The following NLN variants were observed in gnomAD, a reference collection of about 807,000 sequenced individuals.
NLN encodes the protein neurolysin, mitochondrial.
A neutral mutation model predicts 79.9 loss-of-function variants in NLN; 64 were observed. That is an observed-to-expected ratio of 0.80 (90% confidence interval 0.65 to 0.99). The LOEUF (loss-of-function observed/expected upper bound fraction) is 0.99. Among genes scored for constraint, NLN ranks in the 50% least tolerant of loss-of-function variants. The pLI is 0.00. For synonymous variants in NLN, 267 were observed against 296.6 expected, an observed-to-expected ratio of 0.90 and a Z score of 1.02; for missense variants, 835 against 858.7, an observed-to-expected ratio of 0.97 and a Z score of 0.34.
chr5:65,777,907 C>T (rs1381084955), intron 4 of NLN, among the ~76,000 whole-genome samples: 1 of 152,152 alleles, frequency 6.6e-6, no homozygotes, highest in Non-Finnish European at 1.5e-5. Flanking sequence ...AATTCTACAA[C>T]TCCTGTTAAC....
intron 6 of NLN, 69 bp downstream of exon 6, chr5:65,781,490 C>T: frequency 1.7e-6 from 2 of 1,181,664 alleles, no homozygotes; most frequent in Admixed American, 1.9e-5. Context: ...ACTTTGTTCA[C>T]CAGTGTCAAA....
chr5:65,747,894 T>C lies in NLN; in HGVS notation c.42-10673T>C, dbSNP rs184548270. 2.2e-3 allele frequency among the ~76,000 whole-genome samples: 328 copies of C among 152,124 alleles called. 2 individuals carry two copies. Among genetic ancestry groups the C allele is most frequent in the Non-Finnish European group, 4.0e-3 (271 of 67,962 alleles). ...GAGTGCAGACACAGGAGGGCCAGAG[T>C]GGAGCCTGCCAAAGTACAGCAGTCA... On this transcript the variant is annotated intron_variant, in intron 1 of 12. Coordinates refer to ENST00000380985, the MANE Select transcript of NLN (RefSeq NM_020726.5).
At chr5:65,813,955 T>C (rs1418378961) in intron 12 of NLN, among the ~76,000 whole-genome samples, 2 of 151,830 alleles carry the variant, frequency 1.3e-5, no homozygotes, top group Non-Finnish European at 2.9e-5. Context: ...TGAGAATGAG[T>C]ACCTTCATCT....
intron 8 of NLN, among the ~76,000 whole-genome samples, chr5:65,791,565 G>C (rs895305233): frequency 6.6e-6 from 1 of 151,764 alleles, no homozygotes; most frequent in African/African-American, 2.4e-5. Context: ...CTCAAAACAA[G>C]AGAACAAAAT....
intron 1 of NLN, chr5:65,733,227 T>C (rs1434266584): frequency 8.6e-6 from 13 of 1,519,448 alleles, no homozygotes; most frequent in Non-Finnish European, 1.2e-5. Context: ...TATCCTAATG[T>C]GGACCACCAA....
At chr5:65,785,084 C>T (rs1366660750) in intron 6 of NLN, among the ~76,000 whole-genome samples, 1 of 152,144 alleles carries the variant, frequency 6.6e-6, no homozygotes, top group African/African-American at 2.4e-5. Context: ...TCCATGGACA[C>T]TTGGGTTGCT....
intron 12 of NLN, among the ~76,000 whole-genome samples, chr5:65,817,971 CT>C (rs1361499784): frequency 1.3e-5 from 2 of 152,262 alleles, no homozygotes; most frequent in African/African-American, 4.8e-5. Context: ...TGTCTCAGCT[CT>C]CCTGATGTAC....
At chr5:65,804,072 AG>A (rs1760352723) in intron 9 of NLN, among the ~76,000 whole-genome samples, 1 of 152,242 alleles carries the variant, frequency 6.6e-6, no homozygotes, top group Non-Finnish European at 1.5e-5. Flanking sequence ...CACATAAAGG[AG>A]GGTTTGATAT....
chr5:65,759,206 A>G (rs1367612596), intron 2 of NLN, among the ~76,000 whole-genome samples: 1 of 152,174 alleles, frequency 6.6e-6, no homozygotes, highest in Admixed American at 6.5e-5. Context: ...CCAAATGTCA[A>G]CTAATAGATT....
chr5:65,809,779 C>A, intron 10 of NLN, 78 bp downstream of exon 10: 2 of 1,196,522 alleles, frequency 1.7e-6, no homozygotes, highest in Non-Finnish European at 2.3e-6. Flanking sequence ...TTCTGTAGAA[C>A]TTATTTTCAT....
intron 4 of NLN, among the ~76,000 whole-genome samples, chr5:65,778,559 T>C (rs1759728496): frequency 1.3e-5 from 2 of 152,206 alleles, no homozygotes; most frequent in Non-Finnish European, 1.5e-5. Flanking sequence ...TAATTCTGTT[T>C]GGAGCATGAA....
chr5:65,777,351 T>A, intron 3 of NLN, 76 bp from the exon 4 acceptor site: 1 of 931,782 alleles, frequency 1.1e-6, no homozygotes, highest in South Asian at 1.4e-5. Flanking sequence ...ATGAATAAAT[T>A]TGCTGTGGCC....
intron 12 of NLN, among the ~76,000 whole-genome samples, chr5:65,813,423 C>T (rs186612810): frequency 6.6e-6 from 1 of 152,256 alleles, no homozygotes; most frequent in Non-Finnish European, 1.5e-5. Flanking sequence ...AATGCCTCCA[C>T]CATAGAGATA....
At chr5:65,798,675 G>A (rs771619212) in intron 9 of NLN, among the ~76,000 whole-genome samples, 3 of 151,898 alleles carry the variant, frequency 2.0e-5, no homozygotes, top group Non-Finnish European at 2.9e-5. Flanking sequence ...TCTTCTTTTT[G>A]TTATTTTATT....
At chr5:65,805,465 G>A (rs540467524) in intron 9 of NLN, among the ~76,000 whole-genome samples, 1 of 152,214 alleles carries the variant, frequency 6.6e-6, no homozygotes, top group Non-Finnish European at 1.5e-5. Context: ...ACTTGTTGCT[G>A]AGTGGAGAAA....
At chr5:65,800,749 A>T (rs1208054071) in intron 9 of NLN, among the ~76,000 whole-genome samples, 6 of 151,616 alleles carry the variant, frequency 4.0e-5, no homozygotes. Context: ...CAGTGGCATG[A>T]TCATGGCTCA....
intron 9 of NLN, among the ~76,000 whole-genome samples, chr5:65,803,452 AC>A (rs1223225287): frequency 6.6e-6 from 1 of 152,156 alleles, no homozygotes; most frequent in African/African-American, 2.4e-5. Flanking sequence ...CCAGGTTGTG[AC>A]AGTGCCTGGG....
rs558911451 is a variant in NLN, at chr5:65,810,063, T to C, written c.1741T>C (p.Leu581=). 9 of 1,614,134 alleles carry C rather than the reference T, an allele frequency of 5.6e-6. No individual in the cohort carries two copies. Among genetic ancestry groups the C allele is most frequent in the East Asian group, 4.5e-5 (2 of 44,870 alleles). ...TGLLTLRQIV[L]SKVDQSLHTN... ...TCTTCTGACCCTGCGCCAGATTGTTTTGAGCAAAGTTGATCAGTCTCTTCA... is the reference window on the plus strand; with the variant it reads ...TCTTCTGACCCTGCGCCAGATTGTTCTGAGCAAAGTTGATCAGTCTCTTCA... The change falls in exon 11 of 13, where the codon TTG becomes CTG. Residue 581 remains leucine, a synonymous_variant. Coordinates refer to ENST00000380985, the MANE Select transcript of NLN (RefSeq NM_020726.5).
chr5:65,729,877 C>T (rs982860276), intron 1 of NLN, among the ~76,000 whole-genome samples: 2 of 152,110 alleles, frequency 1.3e-5, no homozygotes, highest in Non-Finnish European at 2.9e-5. Context: ...GCCAAGCTGC[C>T]GCATTGCAAA....
Sources: allele counts gnomAD v4.1 joint callset (sites outside exome capture counted in the v4.1 genomes callset), GRCh38; gene constraint gnomAD v4.1.1; transcripts MANE v1.5; gene names NCBI Gene and HGNC (gene_info 2026-07-23, HGNC 2026-07-21).